MGA: variants seen among roughly 807,000 people sequenced by gnomAD.
The protein encoded by MGA is MAX gene-associated protein.
MGA carries 40 observed loss-of-function variants against 261.1 expected under a neutral mutation model. That is an observed-to-expected ratio of 0.15 (90% CI 0.12 to 0.20). The LOEUF is 0.20. Among genes scored for constraint, MGA ranks in the 10% least tolerant of loss-of-function variants. The pLI is 1.00. For synonymous variants in MGA, 1,302 were observed against 1,290.6 expected (o/e 1.01, Z -0.19); for missense variants, 3,397 against 3,630.5 (o/e 0.94, Z 1.65).
chr15:41,652,084 G>A (rs1012097609), intron 1 of MGA, among the ~76,000 whole-genome samples: 4 of 137,964 alleles, frequency 2.9e-5, no homozygotes, highest in African/African-American at 1.1e-4. Context: ...TCCTGCCTCA[G>A]CCTCCTGAGT....
chr15:41,742,264 T>G (rs942236293), intron 14 of MGA, among the ~76,000 whole-genome samples: 38 of 151,878 alleles, frequency 2.5e-4, no homozygotes, highest in African/African-American at 8.9e-4. Flanking sequence ...GGTATGTGCC[T>G]GTAATCCCAG....
intron 1 of MGA, among the ~76,000 whole-genome samples, chr15:41,629,429 C>A (rs1159149948): frequency 6.6e-6 from 1 of 152,100 alleles, no homozygotes. Context: ...ATTGAGTAGG[C>A]AGCTGACTAT....
chr15:41,653,924 TA>T (rs934660994), intron 1 of MGA, among the ~76,000 whole-genome samples: 1 of 152,202 alleles, frequency 6.6e-6, no homozygotes, highest in African/African-American at 2.4e-5. Context: ...TTGGTTTCAC[TA>T]CACTGTTCTG....
rs565092031 is a variant in MGA at position 41,681,352 on chromosome 15, A to G, written c.1064+11394A>G. Among the ~76,000 whole-genome samples, 53 of 150,296 alleles carry G rather than the reference A, an allele frequency of 3.5e-4. 2 individuals are homozygous for G. The highest frequency in any genetic ancestry group is 1.2e-3 in the African/African-American group (51 of 40,922). Reference sequence around the variant, plus strand: ...TTAAAATTATTTTCTAGTACAATATATGGGCCGTTTAGTTGTTACTGTTTT... The same window carrying G: ...TTAAAATTATTTTCTAGTACAATATGTGGGCCGTTTAGTTGTTACTGTTTT... On this transcript the variant is annotated intron_variant, in intron 2 of 23. Coordinates refer to ENST00000219905, the MANE Select transcript of MGA (RefSeq NM_001164273.2).
In MGA at chr15:41,762,368, A is replaced by T. The variant is rs747127719; in HGVS notation, c.7744+6A>T. On this transcript the variant is annotated splice_donor_region_variant and intron_variant, in intron 22 of 23. Transcript: ENST00000219905. ...AAAAAAAGACCAGGCCACAGGTAGG[A>T]GGGACATTCTTCGCTTTCCTTAATG... The T allele has an allele frequency of 1.3e-6, 2 of 1,598,826 alleles. No individual in the cohort carries two copies. Among genetic ancestry groups the T allele is most frequent in the Admixed American group, 3.4e-5 (2 of 59,186 alleles).
chr15:41,627,187 G>A (rs1213126690), intron 1 of MGA, among the ~76,000 whole-genome samples: 5 of 152,132 alleles, frequency 3.3e-5, no homozygotes, highest in Admixed American at 2.6e-4. Context: ...ACAGGTGTGA[G>A]CCACCACACC....
intron 1 of MGA, among the ~76,000 whole-genome samples, chr15:41,633,531 A>G (rs2056637516): frequency 6.6e-6 from 1 of 151,954 alleles, no homozygotes; most frequent in South Asian, 2.1e-4. Context: ...TAAAGCAGGG[A>G]AGAGAGATGG....
chr15:41,724,856 A>G (rs2061145205), intron 9 of MGA, among the ~76,000 whole-genome samples: 1 of 150,540 alleles, frequency 6.6e-6, no homozygotes. Context: ...AAATTTTGTG[A>G]TTGTGCCCGT....
Position 41,762,461 on chromosome 15 carries a change from G to GTTTTTTTTTTTTTTTTTTT in MGA, c.7744+111_7744+129dup, listed in dbSNP as rs34069193. The GTTTTTTTTTTTTTTTTTTT allele has an allele frequency of 2.9e-4, 40 of 138,444 alleles. 9 individuals carry two copies. The highest frequency in any genetic ancestry group is 1.5e-3 in the East Asian group (4 of 2,746). The allele number at this position is 138,444 out of a possible 1,614,324, so 8.6% of individuals were successfully genotyped here. A position where few individuals can be genotyped will look rare whatever the true frequency, so the allele number is the denominator to read the frequency against. Reference sequence around the variant, plus strand: ...TTGTCCACATTTTTAGTTTTGTGTGGTTTTTTTTTTTTTTTTTTTTTTTTT... The same window carrying GTTTTTTTTTTTTTTTTTTT: ...TTGTCCACATTTTTAGTTTTGTGTGGTTTTTTTTTTTTTTTTTTTTTTTTTTTTTTTTTTTTTTTTTTTT... On this transcript the variant is annotated intron_variant, in intron 22 of 23. Coordinates refer to ENST00000219905, the MANE Select transcript of MGA (RefSeq NM_001164273.2).
chr15:41,703,934 A>G (rs1411828576), intron 5 of MGA, among the ~76,000 whole-genome samples: 1 of 152,042 alleles, frequency 6.6e-6, no homozygotes, highest in African/African-American at 2.4e-5. Context: ...CAGCCCCCCA[A>G]GTAGCTGGGA....
chr15:41,621,781 C>T (rs2077249868), intron 1 of MGA, among the ~76,000 whole-genome samples: 1 of 152,100 alleles, frequency 6.6e-6, no homozygotes, highest in South Asian at 2.1e-4. Context: ...GCACCCACAG[C>T]TTTCCCCGGC....
At position 41,766,635 on chromosome 15, in the gene MGA, G is replaced by T; in HGVS notation, c.8553G>T (p.Met2851Ile). 1 of 1,613,982 alleles carries T rather than the reference G, an allele frequency of 6.2e-7. No individual in the cohort carries two copies. Among genetic ancestry groups the T allele is most frequent in the Non-Finnish European group, 8.5e-7 (1 of 1,179,898 alleles). ...GCCTGGCTGAACTACCCAGCTCTAT[G>T]GATACAGAGTTCCCAGGGGATGCTC... Residue 2851 changes from methionine to isoleucine, a missense_variant, in exon 24 of 24, where the codon ATG (methionine) becomes ATT (isoleucine). Around this residue, in one of 9 missense-constraint regions of MGA, gnomAD observed 647 missense variants for 642.4 expected, o/e 1.01. Coordinates refer to ENST00000219905, the MANE Select transcript of MGA (RefSeq NM_001164273.2).
intron 7 of MGA, among the ~76,000 whole-genome samples, chr15:41,709,525 G>A (rs1442165004): frequency 2.0e-5 from 3 of 151,708 alleles, no homozygotes; most frequent in Non-Finnish European, 2.9e-5. Context: ...GCTCACTGCA[G>A]CCTTGACCTC....
chr15:41,674,341 G>A (rs2058254288), intron 2 of MGA, among the ~76,000 whole-genome samples: 1 of 151,686 alleles, frequency 6.6e-6, no homozygotes, highest in African/African-American at 2.4e-5. Flanking sequence ...GATTACAGGT[G>A]CCTACCACCA....
intron 5 of MGA, 77 bp downstream of exon 5, chr15:41,699,236 T>A: frequency 1.1e-6 from 1 of 918,364 alleles, no homozygotes; most frequent in Non-Finnish European, 1.6e-6. Context: ...TTTTCCTCTC[T>A]CTTTCTCATC....
intron 11 of MGA, among the ~76,000 whole-genome samples, chr15:41,731,008 A>AG (rs1307388832): frequency 6.6e-6 from 1 of 152,218 alleles, no homozygotes; most frequent in Non-Finnish European, 1.5e-5. Flanking sequence ...AGAGCAAAAA[A>AG]CAAAGGACAT....
At chr15:41,633,242 G>T (rs997465800) in intron 1 of MGA, among the ~76,000 whole-genome samples, 2 of 152,186 alleles carry the variant, frequency 1.3e-5, no homozygotes, top group East Asian at 3.9e-4. Flanking sequence ...GAGCCACCAC[G>T]CCCAGCCTGG....
intron 9 of MGA, among the ~76,000 whole-genome samples, chr15:41,726,533 A>G (rs2061256462): frequency 6.6e-6 from 1 of 152,120 alleles, no homozygotes; most frequent in South Asian, 2.1e-4. Context: ...GTTCGAGACC[A>G]GCCTGGCCAA....
chr15:41,758,319 G>A (rs1243500866), intron 19 of MGA, among the ~76,000 whole-genome samples: 1 of 151,986 alleles, frequency 6.6e-6, no homozygotes, highest in Non-Finnish European at 1.5e-5. Flanking sequence ...ACCAACAGTA[G>A]GCATGGAGGA....
Sources: gnomAD v4.1 joint callset for allele counts (sites outside exome capture counted in the v4.1 genomes callset) on GRCh38, gnomAD v4.1.1 for gene constraint, gnomAD v4.1.1 regional missense constraint, MANE v1.5 for transcripts, NCBI Gene and HGNC (gene_info 2026-07-23, HGNC 2026-07-21) for gene names.